PI4KA: variants seen among roughly 807,000 people sequenced by gnomAD.
PI4KA encodes phosphatidylinositol 4-kinase alpha.
Under a neutral mutation model 271.4 loss-of-function variants are expected in PI4KA, and 122 were observed. The observed-to-expected ratio is 0.45, with a 90% CI of 0.39 to 0.52. The LOEUF (loss-of-function observed/expected upper bound fraction) is 0.52. PI4KA is among the 20% of genes least tolerant of loss of function. The pLI, the probability that PI4KA is intolerant of heterozygous loss-of-function variation, is 0.00. For synonymous variants in PI4KA, 1,041 were observed against 1,078.8 expected (o/e 0.96, Z 0.69); for missense variants, 1,969 against 2,769.1 (o/e 0.71, Z 6.48).
At chr22:20,852,892 T>C (rs1308347936) in intron 1 of PI4KA, among the ~76,000 whole-genome samples, 6 of 152,146 alleles carry the variant, frequency 3.9e-5, no homozygotes, top group African/African-American at 9.7e-5. Flanking sequence ...ATGGAGCACA[T>C]ATGTCCACCA....
chr22:20,734,028 G>A lies in PI4KA; in HGVS notation c.4052+15C>T, dbSNP rs1435534627. 6.4e-7 allele frequency: 1 copy of A among 1,566,780 alleles called. No individual in the cohort carries two copies. The highest frequency in any genetic ancestry group is 8.6e-7 in the Non-Finnish European group (1 of 1,156,770). ...ACACCAGGGGCCCTGTGCTCCCCAGGAAGAGGGCCCTCACTTGAAGCGGGG... is the reference window on the plus strand; with the variant it reads ...ACACCAGGGGCCCTGTGCTCCCCAGAAAGAGGGCCCTCACTTGAAGCGGGG... On this transcript the variant is annotated intron_variant, in intron 34 of 54. Coordinates refer to ENST00000255882, the MANE Select transcript of PI4KA (RefSeq NM_058004.4).
chr22:20,790,693 A>C (rs959460245), intron 19 of PI4KA, among the ~76,000 whole-genome samples: 2 of 99,624 alleles, frequency 2.0e-5, no homozygotes, highest in African/African-American at 4.6e-5. Context: ...AAATTTAAAA[A>C]AAACAAACAC....
chr22:20,727,685 TTG>T, intron 40 of PI4KA, 87 bp downstream of exon 40: 1 of 1,029,054 alleles, frequency 9.7e-7, no homozygotes, highest in Non-Finnish European at 1.5e-6. Context: ...GCGGCTGTTT[TTG>T]TCTCATTTCT....
intron 23 of PI4KA, among the ~76,000 whole-genome samples, chr22:20,759,473 G>A (rs1441165876): frequency 1.5e-5 from 2 of 137,838 alleles, no homozygotes; most frequent in South Asian, 2.3e-4. Flanking sequence ...GCACGATCTC[G>A]GCTCACCTCA....
At chr22:20,743,480 G>A (rs1378193418) in intron 30 of PI4KA, among the ~76,000 whole-genome samples, 1 of 151,520 alleles carries the variant, frequency 6.6e-6, no homozygotes, top group African/African-American at 2.4e-5. Flanking sequence ...CTTTGAGACA[G>A]AGTCTTGCTC....
intron 19 of PI4KA, chr22:20,779,509 C>T (rs767218743): frequency 9.9e-6 from 16 of 1,613,964 alleles, no homozygotes; most frequent in Non-Finnish European, 1.4e-5. Context: ...AACACCGTCA[C>T]CAACGACTGG....
chr22:20,788,698 G>A (rs1300999740), intron 19 of PI4KA, among the ~76,000 whole-genome samples: 4 of 152,128 alleles, frequency 2.6e-5, no homozygotes, highest in African/African-American at 9.7e-5. Flanking sequence ...TGATGCTGCG[G>A]ATGGCCCACT....
At chr22:20,721,517 A>T in intron 42 of PI4KA, 99 bp from the exon 43 acceptor site, 3 of 1,322,468 alleles carry the variant, frequency 2.3e-6, no homozygotes, top group Non-Finnish European at 3.2e-6. Flanking sequence ...AGACCAGGCA[A>T]GGGTAAGGCC....
At chr22:20,758,459 C>CTTTTTTTTTTTTTTTTTTTTTTTTTT in intron 23 of PI4KA, among the ~76,000 whole-genome samples, 1 of 85,034 alleles carries the variant, frequency 1.2e-5, no homozygotes, top group Non-Finnish European at 2.2e-5. Context: ...TCTTTCTTTT[C>CTTTTTTTTTTTTTTTTTTTTTTTTTT]TTTTTTTTTT....
chr22:20,713,238 C>A, intron 48 of PI4KA, 43 bp downstream of exon 48: 1 of 1,383,462 alleles, frequency 7.2e-7, no homozygotes, highest in Non-Finnish European at 1.0e-6. Context: ...TGGGGAGCAG[C>A]AAGCCCAGTC....
chr22:20,731,003 G>A (rs1446302487), intron 36 of PI4KA, among the ~76,000 whole-genome samples: 3 of 151,928 alleles, frequency 2.0e-5, no homozygotes, highest in Admixed American at 6.6e-5. Flanking sequence ...AAGGCAAGAC[G>A]CCCTATCTCT....
Position 20,805,046 on chromosome 22 carries a change from G to A in PI4KA, c.1288C>T (p.Pro430Ser), listed in dbSNP as rs754372202. The A allele has an allele frequency of 6.2e-7, 1 of 1,613,986 alleles. No homozygotes were observed. The highest frequency in any genetic ancestry group is 1.3e-5 in the African/African-American group (1 of 74,904). Residue 430 changes from proline to serine, a missense_variant, in exon 11 of 55, where the codon CCC becomes TCC. By Grantham distance (74) the Pro-to-Ser change is moderately conservative (BLOSUM62 -1). Around this residue, in one of 13 missense-constraint regions of PI4KA, gnomAD observed 540 missense variants for 555.5 expected, o/e 0.97. Transcript: ENST00000255882. Reference protein sequence around the residue: ...DADRIHNELSPLKLRCQANAA... With the variant: ...DADRIHNELSSLKLRCQANAA... ...TTCGCCTGACAGCGCAGTTTGAGGG[G>A]GCTCAGCTCATTGTGGATCCGGTCT...
chr22:20,854,796 C>T (rs1927388735), intron 1 of PI4KA, among the ~76,000 whole-genome samples: 1 of 152,040 alleles, frequency 6.6e-6, no homozygotes, highest in Admixed American at 6.6e-5. Flanking sequence ...TACTCATCTC[C>T]CCCTATAAGT....
chr22:20,765,782 C>G, intron 19 of PI4KA, 89 bp from the exon 20 acceptor site: 1 of 808,650 alleles, frequency 1.2e-6, no homozygotes, highest in Admixed American at 1.9e-5. Context: ...CAGATTCATT[C>G]TCTAAGAGCA....
chr22:20,762,566 C>A (rs1932081213), intron 22 of PI4KA, among the ~76,000 whole-genome samples: 1 of 152,160 alleles, frequency 6.6e-6, no homozygotes. Flanking sequence ...GAAAACTACT[C>A]AGGGGCATAC....
chr22:20,721,603 T>TGGCTGGG, intron 42 of PI4KA, 185 bp from the exon 43 acceptor site: 1 of 601,574 alleles, frequency 1.7e-6, no homozygotes, highest in Non-Finnish European at 2.9e-6. Flanking sequence ...AAGTTCCAGC[T>TGGCTGGG]GGCTGGGGGC....
chr22:20,751,458 C>T, intron 26 of PI4KA, 82 bp from the exon 27 acceptor site: 1 of 1,232,670 alleles, frequency 8.1e-7, no homozygotes, highest in African/African-American at 1.5e-5. Context: ...CCCTACCCAC[C>T]ACCTGTCTGT....
chr22:20,753,124 TG>T lies in PI4KA; in HGVS notation c.2847del (p.Asn949LysfsTer2). ...VADKVFDAFL[N>X]MMADKAKTKE... ...GAGAGGCTTACTTTATCCGCCATCA[TG>T]TTCAGGAAGGCATCGAATACTTTGT... On this transcript the variant is annotated frameshift_variant, in exon 24 of 55. Transcript: ENST00000255882. LOFTEE classifies it high-confidence loss of function. 6.2e-7 allele frequency: 1 copy of T among 1,614,148 alleles called. No homozygotes were observed.
At chr22:20,820,403 C>A (rs1922486956) in intron 5 of PI4KA, 136 bp downstream of exon 5, 3 of 642,136 alleles carry the variant, frequency 4.7e-6, no homozygotes, top group Non-Finnish European at 8.2e-6. Context: ...TACTAACACA[C>A]AACAAATCAA....
Sources: allele counts gnomAD v4.1 joint callset (sites outside exome capture counted in the v4.1 genomes callset), GRCh38; gene constraint gnomAD v4.1.1; regional missense constraint gnomAD v4.1.1; transcripts MANE v1.5; gene names NCBI Gene and HGNC (gene_info 2026-07-23, HGNC 2026-07-21).